The following FOXN2 variants were observed in gnomAD, a reference collection of about 807,000 sequenced individuals.
The protein encoded by FOXN2 is forkhead box N2, also known as forkhead box protein N2.
Under a neutral mutation model 41.2 loss-of-function variants are expected in FOXN2, and 19 were observed. The ratio of observed to expected loss-of-function variants is 0.46; its 90% CI spans 0.32 to 0.68. The LOEUF is 0.68. FOXN2 is among the 30% of genes least tolerant of loss of function. FOXN2 has a pLI of 0.03. For synonymous variants in FOXN2, 195 were observed against 176.8 expected, an observed-to-expected ratio of 1.10 and a Z score of -0.82; for missense variants, 587 against 509.4, an observed-to-expected ratio of 1.15 and a Z score of -1.47.
At chr2:48,364,088 T>A (rs1157704874) in intron 5 of FOXN2, among the ~76,000 whole-genome samples, 1 of 152,214 alleles carries the variant, frequency 6.6e-6, no homozygotes, top group South Asian at 2.1e-4. Context: ...GATAAAAATT[T>A]GGGATATTTT....
At chr2:48,326,852 A>C (rs1669711257) in intron 1 of FOXN2, among the ~76,000 whole-genome samples, 1 of 152,226 alleles carries the variant, frequency 6.6e-6, no homozygotes, top group South Asian at 2.1e-4. Flanking sequence ...CCATCCCTAA[A>C]GTATCTCATC....
At chr2:48,365,929 A>G (rs1207301977) in intron 5 of FOXN2, among the ~76,000 whole-genome samples, 2 of 152,222 alleles carry the variant, frequency 1.3e-5, no homozygotes, top group African/African-American at 4.8e-5. Flanking sequence ...ATTTCTAGAG[A>G]GAAGTTTAAA....
chr2:48,334,089 A>G (rs1670187743), intron 2 of FOXN2, among the ~76,000 whole-genome samples: 2 of 152,312 alleles, frequency 1.3e-5, no homozygotes, highest in Middle Eastern at 3.4e-3. Context: ...GAGACCTTTC[A>G]GTATGGAGCA....
intron 1 of FOXN2, among the ~76,000 whole-genome samples, chr2:48,318,483 G>T (rs896152790): frequency 6.6e-6 from 1 of 152,130 alleles, no homozygotes; most frequent in Admixed American, 6.5e-5. Context: ...ACAAACTAAC[G>T]ACATGATAAA....
At chr2:48,324,850 A>T (rs141675084) in intron 1 of FOXN2, among the ~76,000 whole-genome samples, 74 of 152,328 alleles carry the variant, frequency 4.9e-4, no homozygotes, top group African/African-American at 1.7e-3. Flanking sequence ...TGCAGTTGGA[A>T]CACGGAGAGA....
chr2:48,353,605 T>TGTGTGTGTGA (rs1491441486), intron 3 of FOXN2, among the ~76,000 whole-genome samples: 3 of 119,270 alleles, frequency 2.5e-5, no homozygotes, highest in African/African-American at 9.1e-5. Context: ...TGTGTGTGTG[T>TGTGTGTGTGA]GAAAGAGAAA....
chr2:48,341,972 A>G lies in FOXN2; in HGVS notation c.-14-4229A>G, dbSNP rs543577823. On this transcript the variant is annotated intron_variant, in intron 2 of 6. Coordinates refer to ENST00000340553, the MANE Select transcript of FOXN2 (RefSeq NM_002158.4). ...TTCTGTTTTTGACTTGAGCTCTCTGATAAGTCCATGACCTTTTTAAGATTT... is the reference window on the plus strand; with the variant it reads ...TTCTGTTTTTGACTTGAGCTCTCTGGTAAGTCCATGACCTTTTTAAGATTT... 5.9e-5 allele frequency among the ~76,000 whole-genome samples: 9 copies of G among 152,360 alleles called. No homozygotes were observed. In the South Asian group the frequency reaches 1.2e-3, roughly 21 times the overall value.
intron 3 of FOXN2, among the ~76,000 whole-genome samples, chr2:48,349,163 C>CT (rs1237389089): frequency 2.0e-5 from 3 of 152,198 alleles, no homozygotes; most frequent in African/African-American, 7.2e-5. Flanking sequence ...GAGGGAGACT[C>CT]TGTCTCACAA....
At chr2:48,343,079 T>C (rs1670877136) in intron 2 of FOXN2, among the ~76,000 whole-genome samples, 1 of 152,212 alleles carries the variant, frequency 6.6e-6, no homozygotes, top group South Asian at 2.1e-4. Context: ...ATTTCTGTTT[T>C]AAGTAGTATT....
chr2:48,346,829 T>C (rs1247594191), intron 3 of FOXN2, 78 bp downstream of exon 3: 2 of 1,248,036 alleles, frequency 1.6e-6, no homozygotes, highest in African/African-American at 3.0e-5. Flanking sequence ...TATCTGGAAA[T>C]CGGGGAGACA....
chr2:48,346,789 G>A (rs1276011222), intron 3 of FOXN2, 38 bp downstream of exon 3: 14 of 1,495,382 alleles, frequency 9.4e-6, no homozygotes, highest in Non-Finnish European at 1.2e-5. Flanking sequence ...TGGTGAGGTG[G>A]GGGGACTAAT....
chr2:48,373,881 T>TC (rs1439928981), intron 6 of FOXN2, among the ~76,000 whole-genome samples: 8 of 151,946 alleles, frequency 5.3e-5, no homozygotes, highest in African/African-American at 1.9e-4. Flanking sequence ...ATGGCAAAAC[T>TC]CCATCTCTAC....
chr2:48,361,466 C>CAA (rs780422235), intron 4 of FOXN2, among the ~76,000 whole-genome samples: 1 of 73,988 alleles, frequency 1.4e-5, no homozygotes, highest in Non-Finnish European at 2.9e-5. Flanking sequence ...GACTGTGTCT[C>CAA]AAAAAAAAAA....
chr2:48,335,375 T>C (rs1421705751), intron 2 of FOXN2, among the ~76,000 whole-genome samples: 1 of 152,068 alleles, frequency 6.6e-6, no homozygotes, highest in African/African-American at 2.4e-5. Context: ...CTTAAGAAAT[T>C]TAGACCACAA....
chr2:48,331,597 C>A (rs1670022693), intron 2 of FOXN2, among the ~76,000 whole-genome samples: 1 of 152,082 alleles, frequency 6.6e-6, no homozygotes, highest in Admixed American at 6.6e-5. Context: ...GCAAGAGGAT[C>A]ACTTGAGCCC....
intron 2 of FOXN2, among the ~76,000 whole-genome samples, chr2:48,335,181 A>G (rs925691434): frequency 2.6e-5 from 4 of 152,252 alleles, no homozygotes; most frequent in African/African-American, 9.6e-5. Flanking sequence ...GAATTATCAG[A>G]TGTAAAATAG....
At position 48,349,610 on chromosome 2, in the gene FOXN2, C is replaced by T. The variant is rs184933944; in HGVS notation, c.537+2859C>T. Among the ~76,000 whole-genome samples, 81 of 152,150 alleles carry T rather than the reference C, an allele frequency of 5.3e-4. 2 individuals carry two copies. The highest frequency in any genetic ancestry group is 1.9e-3 in the African/African-American group (78 of 41,522). On this transcript the variant is annotated intron_variant, in intron 3 of 6. Transcript: ENST00000340553. ...CCAACATGGAGAAGCCCTGTCTCTA[C>T]GAAAAATACAACAAATTAGCCAGAC...
chr2:48,315,140 G>T (rs1668816169), intron 1 of FOXN2, among the ~76,000 whole-genome samples: 1 of 152,156 alleles, frequency 6.6e-6, no homozygotes, highest in Non-Finnish European at 1.5e-5. Flanking sequence ...GCGGCGAGGG[G>T]TGTCGTCTCT....
At chr2:48,331,496 G>A (rs1670017798) in intron 2 of FOXN2, among the ~76,000 whole-genome samples, 1 of 152,142 alleles carries the variant, frequency 6.6e-6, no homozygotes, top group Non-Finnish European at 1.5e-5. Flanking sequence ...GTGGACCTAT[G>A]TAAGTTATTA....
Sources: allele counts gnomAD v4.1 joint callset (sites outside exome capture counted in the v4.1 genomes callset), GRCh38; gene constraint gnomAD v4.1.1; transcripts MANE v1.5; gene names NCBI Gene and HGNC (gene_info 2026-07-23, HGNC 2026-07-21).